ERBB4: variants seen among roughly 807,000 people sequenced by gnomAD.
ERBB4 encodes receptor tyrosine-protein kinase erbB-4.
A neutral mutation model predicts 158.0 loss-of-function variants in ERBB4; 42 were observed. The ratio of observed to expected loss-of-function variants is 0.27; its 90% CI spans 0.21 to 0.34. The LOEUF (loss-of-function observed/expected upper bound fraction) is 0.34. ERBB4 is among the 10% of genes least tolerant of loss of function. The pLI is 1.00. For missense variants in ERBB4, 1,333 were observed against 1,624.1 expected, an observed-to-expected ratio of 0.82 and a Z score of 3.08; for synonymous variants, 583 against 558.7, an observed-to-expected ratio of 1.04 and a Z score of -0.61.
At chr2:212,503,880 A>G (rs1480901526) in intron 1 of ERBB4, among the ~76,000 whole-genome samples, 1 of 99,934 alleles carries the variant, frequency 1.0e-5, no homozygotes, top group Non-Finnish European at 2.3e-5. Flanking sequence ...CAAAAAGAGA[A>G]AAAAAAAATG....
intron 2 of ERBB4, among the ~76,000 whole-genome samples, chr2:211,952,612 G>C (rs2080903737): frequency 6.6e-6 from 1 of 152,186 alleles, no homozygotes. Flanking sequence ...ATGTGGGCTT[G>C]TCTGCCAGGC....
At chr2:211,822,959 C>T (rs2077025739) in intron 3 of ERBB4, among the ~76,000 whole-genome samples, 2 of 151,894 alleles carry the variant, frequency 1.3e-5, no homozygotes, top group Non-Finnish European at 2.9e-5. Flanking sequence ...ATTTCTGCTC[C>T]CTTTTATGGA....
intron 19 of ERBB4, among the ~76,000 whole-genome samples, chr2:211,596,778 T>C (rs879185566): frequency 6.6e-6 from 1 of 152,152 alleles, no homozygotes; most frequent in African/African-American, 2.4e-5. Context: ...CTTTTTTTTT[T>C]TCTGAGATGG....
intron 16 of ERBB4, among the ~76,000 whole-genome samples, chr2:211,636,765 T>C (rs1257510045): frequency 1.3e-5 from 2 of 151,880 alleles, no homozygotes; most frequent in Non-Finnish European, 2.9e-5. Flanking sequence ...GTATATAGGA[T>C]CGAAAAAACT....
chr2:211,516,457 C>A (rs28602398), intron 20 of ERBB4, among the ~76,000 whole-genome samples: 26,444 of 151,638 alleles, frequency 0.17, 2,649 homozygotes, highest in Middle Eastern at 0.26. Context: ...CCTCAGCCTC[C>A]AGAGTAGCTT....
At chr2:212,515,709 A>G (rs1223539606) in intron 1 of ERBB4, among the ~76,000 whole-genome samples, 1 of 152,002 alleles carries the variant, frequency 6.6e-6, no homozygotes, top group Non-Finnish European at 1.5e-5. Flanking sequence ...TAAAAAAACA[A>G]AAAAAATTTT....
At chr2:211,965,177 G>A (rs2081278988) in intron 2 of ERBB4, among the ~76,000 whole-genome samples, 1 of 152,164 alleles carries the variant, frequency 6.6e-6, no homozygotes, top group South Asian at 2.1e-4. Context: ...AGGACAGCAT[G>A]TGAAAGAGCT....
chr2:212,440,439 T>C (rs1360773450), intron 1 of ERBB4, among the ~76,000 whole-genome samples: 1 of 152,200 alleles, frequency 6.6e-6, no homozygotes, highest in Non-Finnish European at 1.5e-5. Flanking sequence ...TCCTTGCTCC[T>C]CATCTTGCAG....
chr2:211,508,991 A>T lies in ERBB4; in HGVS notation c.2487+52912T>A, dbSNP rs1207285197. On this transcript the variant is annotated intron_variant, in intron 20 of 27. Coordinates refer to ENST00000342788, the MANE Select transcript of ERBB4 (RefSeq NM_005235.3). ...AAATGTGTCACATATACAGCATGGA[A>T]TACTATGCAGCCATAAAAAGAATGG... 4.6e-5 allele frequency among the ~76,000 whole-genome samples: 7 copies of T among 152,166 alleles called. No individual in the cohort carries two copies. The East Asian group carries it at 1.2e-3, about 25-fold the overall frequency.
At chr2:212,340,099 G>A (rs1214411123) in intron 1 of ERBB4, among the ~76,000 whole-genome samples, 1 of 150,376 alleles carries the variant, frequency 6.6e-6, no homozygotes, top group Non-Finnish European at 1.5e-5. Flanking sequence ...GCAGTGGAGT[G>A]ACCAAGACTC....
intron 20 of ERBB4, among the ~76,000 whole-genome samples, chr2:211,492,960 A>C (rs1372038118): frequency 6.6e-6 from 1 of 152,108 alleles, no homozygotes; most frequent in Non-Finnish European, 1.5e-5. Flanking sequence ...AGAAACTAGC[A>C]TTCCAGGCTG....
intron 3 of ERBB4, among the ~76,000 whole-genome samples, chr2:211,923,003 G>A (rs183604074): frequency 1.4e-3 from 213 of 152,230 alleles, no homozygotes; most frequent in Middle Eastern, 6.8e-3. Flanking sequence ...TGAGGTTCAG[G>A]AATTTAGCTT....
At chr2:212,104,855 T>C (rs1050867624) in intron 2 of ERBB4, among the ~76,000 whole-genome samples, 1 of 152,184 alleles carries the variant, frequency 6.6e-6, no homozygotes, top group Non-Finnish European at 1.5e-5. Flanking sequence ...CTATTATATG[T>C]CAGGCATTAT....
chr2:211,776,502 C>T (rs564683090), intron 4 of ERBB4, among the ~76,000 whole-genome samples: 9 of 152,174 alleles, frequency 5.9e-5, no homozygotes, highest in African/African-American at 2.2e-4. Context: ...GGTGGGGATA[C>T]TTGCATGTGT....
chr2:212,082,467 AG>A (rs1277924877), intron 2 of ERBB4, among the ~76,000 whole-genome samples: 1 of 152,094 alleles, frequency 6.6e-6, no homozygotes, highest in Non-Finnish European at 1.5e-5. Context: ...ATGTTTTATA[AG>A]GGCATTTGCA....
intron 1 of ERBB4, among the ~76,000 whole-genome samples, chr2:212,288,572 A>C (rs746476727): frequency 9.9e-5 from 15 of 152,078 alleles, no homozygotes; most frequent in Non-Finnish European, 1.9e-4. Context: ...CCTGGAATTC[A>C]GTGTGCGAGG....
At chr2:212,099,398 T>C (rs1351907106) in intron 2 of ERBB4, among the ~76,000 whole-genome samples, 2 of 152,188 alleles carry the variant, frequency 1.3e-5, no homozygotes, top group African/African-American at 4.8e-5. Flanking sequence ...TAAAAAAGTA[T>C]CTATCAAGAT....
intron 4 of ERBB4, among the ~76,000 whole-genome samples, chr2:211,759,215 C>G (rs1180593441): frequency 1.3e-5 from 2 of 152,152 alleles, no homozygotes; most frequent in African/African-American, 4.8e-5. Flanking sequence ...AGTATCCAAT[C>G]ATTTCTCACC....
At chr2:211,943,250 C>A (rs778682917) in intron 3 of ERBB4, among the ~76,000 whole-genome samples, 5 of 151,824 alleles carry the variant, frequency 3.3e-5, no homozygotes, top group Non-Finnish European at 7.4e-5. Flanking sequence ...TTTGGCCAGA[C>A]TAGTGACTAA....
Sources: allele counts gnomAD v4.1 joint callset (sites outside exome capture counted in the v4.1 genomes callset), GRCh38; gene constraint gnomAD v4.1.1; transcripts MANE v1.5; gene names NCBI Gene and HGNC (gene_info 2026-07-23, HGNC 2026-07-21).